The following NCAM2 variants were observed in gnomAD, a reference collection of about 807,000 sequenced individuals.
The protein encoded by NCAM2 is neural cell adhesion molecule 2.
Under a neutral mutation model 98.1 loss-of-function variants are expected in NCAM2, and 30 were observed. That is an observed-to-expected ratio of 0.31 (90% CI 0.23 to 0.41). NCAM2 has a LOEUF of 0.41. Among genes scored for constraint, NCAM2 ranks in the 10% least tolerant of loss-of-function variants. The pLI, the probability that NCAM2 is intolerant of heterozygous loss-of-function variation, is 1.00. For missense variants in NCAM2, 867 were observed against 1,005.8 expected (o/e 0.86, Z 1.87); for synonymous variants, 368 against 342.4 (o/e 1.07, Z -0.83).
intron 12 of NCAM2, among the ~76,000 whole-genome samples, chr21:21,433,378 T>A (rs74622443): frequency 0.14 from 20,651 of 151,904 alleles, 1,487 homozygotes; most frequent in Non-Finnish European, 0.16. Context: ...AGTTTTTTTT[T>A]AAAAAATTAT....
At chr21:21,001,445 A>G (rs958811869) in intron 1 of NCAM2, among the ~76,000 whole-genome samples, 2 of 152,168 alleles carry the variant, frequency 1.3e-5, no homozygotes, top group Non-Finnish European at 2.9e-5. Flanking sequence ...AACTTTTGCA[A>G]TTATTTTTCC....
At chr21:21,071,919 C>G (rs201319144) in intron 1 of NCAM2, among the ~76,000 whole-genome samples, 1 of 117,664 alleles carries the variant, frequency 8.5e-6, no homozygotes, top group Middle Eastern at 4.2e-3. Context: ...ATCTATCTAT[C>G]TATATTTTTT....
chr21:21,481,737 A>G (rs1447423970), intron 15 of NCAM2, among the ~76,000 whole-genome samples: 1 of 152,194 alleles, frequency 6.6e-6, no homozygotes, highest in East Asian at 1.9e-4. Context: ...CCTCTAAACC[A>G]TGTAGCTGAT....
At chr21:21,506,874 A>C (rs1014683725) in intron 15 of NCAM2, among the ~76,000 whole-genome samples, 8 of 152,138 alleles carry the variant, frequency 5.3e-5, no homozygotes, top group African/African-American at 1.9e-4. Flanking sequence ...AAATAATTTC[A>C]ATAAAAATTA....
At chr21:21,343,936 C>T (rs2075117356) in intron 8 of NCAM2, among the ~76,000 whole-genome samples, 1 of 152,112 alleles carries the variant, frequency 6.6e-6, no homozygotes, top group Non-Finnish European at 1.5e-5. Context: ...GGAGTGCTGT[C>T]ATCTTCCCTC....
intron 15 of NCAM2, among the ~76,000 whole-genome samples, chr21:21,490,492 G>C (rs2146306084): frequency 6.6e-6 from 1 of 151,904 alleles, no homozygotes; most frequent in African/African-American, 2.4e-5. Flanking sequence ...TTTCATTTTA[G>C]TTAGTAAAAA....
At chr21:21,294,635 C>T (rs1017185535) in intron 5 of NCAM2, among the ~76,000 whole-genome samples, 8 of 151,772 alleles carry the variant, frequency 5.3e-5, no homozygotes, top group Non-Finnish European at 8.8e-5. Context: ...TTCATAAAAT[C>T]AGGTATCAAT....
intron 1 of NCAM2, among the ~76,000 whole-genome samples, chr21:21,165,427 C>G (rs1308725574): frequency 6.6e-6 from 1 of 152,170 alleles, no homozygotes; most frequent in African/African-American, 2.4e-5. Flanking sequence ...CATGGTTTAT[C>G]CAACTGCTAC....
chr21:21,104,865 C>T (rs2066313865), intron 1 of NCAM2, among the ~76,000 whole-genome samples: 1 of 152,064 alleles, frequency 6.6e-6, no homozygotes, highest in Non-Finnish European at 1.5e-5. Context: ...CTCATTGTTG[C>T]TGTTTTTTCT....
At chr21:21,508,638 A>G (rs1988142348) in intron 15 of NCAM2, among the ~76,000 whole-genome samples, 1 of 152,102 alleles carries the variant, frequency 6.6e-6, no homozygotes, top group Non-Finnish European at 1.5e-5. Context: ...TAACAAATCA[A>G]TTGCTTAAAA....
At chr21:21,350,943 A>AG (rs1389155278) in intron 8 of NCAM2, among the ~76,000 whole-genome samples, 3 of 95,764 alleles carry the variant, frequency 3.1e-5, no homozygotes, top group African/African-American at 1.3e-4. Context: ...AAAAAAAAAA[A>AG]AAAAAGGAGA....
At position 21,450,771 on chromosome 21, in the gene NCAM2, C is replaced by CATGTATGT. The variant is rs147604225; in HGVS notation, c.1655-15820_1655-15813dup. On this transcript the variant is annotated intron_variant, in intron 12 of 17. Transcript: ENST00000400546. ...AATTTGTGTTATTCCTCCTCCCCAT[C>CATGTATGT]ATGTATGTATGTATGTATGTATACA... is the stretch of plus-strand genomic sequence containing the variant. Among the ~76,000 whole-genome samples, 635 of 135,608 alleles carry CATGTATGT rather than the reference C, an allele frequency of 4.7e-3. 7 individuals are homozygous for CATGTATGT. Among genetic ancestry groups the CATGTATGT allele is most frequent in the African/African-American group, 0.016 (584 of 36,542 alleles). 89.0% of individuals were successfully genotyped at this position (135,608 alleles called of 152,430 possible). A position where few individuals can be genotyped will look rare whatever the true frequency, so the allele number is the denominator to read the frequency against.
At chr21:21,452,117 T>C (rs868719864) in intron 12 of NCAM2, among the ~76,000 whole-genome samples, 35 of 151,664 alleles carry the variant, frequency 2.3e-4, no homozygotes, top group Non-Finnish European at 3.8e-4. Context: ...TCTTATGTTA[T>C]GTAATTTTCA....
At position 21,542,168 on chromosome 21, in the gene NCAM2, C is replaced by T. The variant is rs1254345775; in HGVS notation, c.*4211C>T. The T allele has an allele frequency of 6.6e-6, 1 of 151,700 alleles. No homozygotes were observed. The highest frequency in any genetic ancestry group is 1.5e-5 in the Non-Finnish European group (1 of 67,798). 9.4% of individuals were successfully genotyped at this position (151,700 alleles called of 1,614,324 possible). A position where few individuals can be genotyped will look rare whatever the true frequency, so the allele number is the denominator to read the frequency against. On this transcript the variant is annotated 3_prime_UTR_variant, in exon 18 of 18. Transcript: ENST00000400546. ...TCCAAATGAGAAATTTATAAAAAGACCCACATATAGTAGTTGCTGAACAAA... is the reference window on the plus strand; with the variant it reads ...TCCAAATGAGAAATTTATAAAAAGATCCACATATAGTAGTTGCTGAACAAA...
intron 6 of NCAM2, among the ~76,000 whole-genome samples, chr21:21,332,020 A>G (rs1394038424): frequency 6.6e-6 from 1 of 151,872 alleles, no homozygotes; most frequent in Non-Finnish European, 1.5e-5. Context: ...CTCTTGCTTC[A>G]ACCTCCCAAG....
chr21:21,464,659 T>C (rs1323720101), intron 12 of NCAM2, among the ~76,000 whole-genome samples: 2 of 152,164 alleles, frequency 1.3e-5, no homozygotes, highest in Non-Finnish European at 2.9e-5. Context: ...TTAAAGACAG[T>C]AAAATTCCAA....
At chr21:21,157,316 C>A (rs1466748680) in intron 1 of NCAM2, among the ~76,000 whole-genome samples, 1 of 152,094 alleles carries the variant, frequency 6.6e-6, no homozygotes, top group Non-Finnish European at 1.5e-5. Flanking sequence ...TAGGCAATAC[C>A]TTTGAACATT....
intron 1 of NCAM2, among the ~76,000 whole-genome samples, chr21:21,025,364 C>T (rs906471886): frequency 9.2e-5 from 14 of 152,132 alleles, no homozygotes; most frequent in African/African-American, 3.4e-4. Context: ...GGATTACAGG[C>T]GAGAGCCACT....
At chr21:21,519,816 A>T (rs1430680594) in intron 16 of NCAM2, among the ~76,000 whole-genome samples, 1 of 152,104 alleles carries the variant, frequency 6.6e-6, no homozygotes, top group African/African-American at 2.4e-5. Context: ...TCGGATTTAT[A>T]CTATCTTTTA....
Sources: gnomAD v4.1 joint callset for allele counts (sites outside exome capture counted in the v4.1 genomes callset) on GRCh38, gnomAD v4.1.1 for gene constraint, MANE v1.5 for transcripts, NCBI Gene and HGNC (gene_info 2026-07-23, HGNC 2026-07-21) for gene names.